DOCK1: variants seen among roughly 807,000 people sequenced by gnomAD.
DOCK1 encodes dedicator of cytokinesis 1.
DOCK1 carries 138 observed loss-of-function variants against 262.7 expected under a neutral mutation model. The observed-to-expected ratio is 0.53, with a 90% confidence interval of 0.46 to 0.61. DOCK1 has a LOEUF of 0.61. DOCK1 is among the 20% of genes least tolerant of loss of function. The pLI is 0.00. For synonymous variants in DOCK1, 866 were observed against 867.4 expected (o/e 1.00, Z 0.03); for missense variants, 1,908 against 2,370.7 (o/e 0.80, Z 4.05).
intron 23 of DOCK1, among the ~76,000 whole-genome samples, chr10:127,101,067 A>G (rs1487958432): frequency 6.6e-6 from 1 of 151,598 alleles, no homozygotes; most frequent in Non-Finnish European, 1.5e-5. Flanking sequence ...CAGCAGGGGA[A>G]GAGGTTGGAG....
chr10:127,091,685 G>A (rs986933422), intron 23 of DOCK1, among the ~76,000 whole-genome samples: 1 of 152,212 alleles, frequency 6.6e-6, no homozygotes, highest in Non-Finnish European at 1.5e-5. Flanking sequence ...CCATAAATCT[G>A]TGTCCCTTCC....
At chr10:127,298,610 T>A (rs192819564) in intron 29 of DOCK1, among the ~76,000 whole-genome samples, 12 of 152,332 alleles carry the variant, frequency 7.9e-5, no homozygotes, top group Admixed American at 3.3e-4. Context: ...GGTTGCTGTC[T>A]GCTCCTGAGC....
chr10:127,149,079 A>C (rs1329884736), intron 27 of DOCK1, among the ~76,000 whole-genome samples: 1 of 152,172 alleles, frequency 6.6e-6, no homozygotes, highest in Non-Finnish European at 1.5e-5. Flanking sequence ...GGTGTTTTTC[A>C]GCTGAGGAAT....
rs1330484315 is a variant in DOCK1 at position 127,446,097 on chromosome 10, A to C, written c.5414-1297A>C. ...AAACCCCGTCTCTACTAAAAATACA[A>C]TAATTAGCTGGGTGTGGTGGTGCGT... On this transcript the variant is annotated intron_variant, in intron 50 of 51. Coordinates refer to ENST00000623213, the MANE Select transcript of DOCK1 (RefSeq NM_001290223.2). The surrounding 1 kb of genome is among the most constrained non-coding windows in gnomAD (Gnocchi z 4.4). Among the ~76,000 whole-genome samples the C allele has an allele frequency of 6.6e-6, 1 of 152,148 alleles. No homozygotes were observed. The highest frequency in any genetic ancestry group is 1.5e-5 in the Non-Finnish European group (1 of 68,034).
At chr10:127,288,733 A>G (rs1402485801) in intron 29 of DOCK1, among the ~76,000 whole-genome samples, 1 of 150,318 alleles carries the variant, frequency 6.7e-6, no homozygotes, top group Non-Finnish European at 1.5e-5. Context: ...TATACAGCAT[A>G]ATATAGAATA....
intron 48 of DOCK1, 27 bp downstream of exon 48, chr10:127,433,455 G>T: frequency 3.7e-6 from 6 of 1,612,248 alleles, no homozygotes; most frequent in Non-Finnish European, 5.1e-6. Context: ...GCAGGGCTGA[G>T]CTGAGCAGTG....
intron 27 of DOCK1, among the ~76,000 whole-genome samples, chr10:127,171,540 C>G (rs1026863590): frequency 1.4e-4 from 21 of 152,192 alleles, no homozygotes; most frequent in African/African-American, 3.9e-4. Flanking sequence ...GGTGCCTGCC[C>G]TCACTAGGAC....
intron 29 of DOCK1, among the ~76,000 whole-genome samples, chr10:127,262,312 A>G (rs969791743): frequency 6.6e-6 from 1 of 151,942 alleles, no homozygotes; most frequent in Non-Finnish European, 1.5e-5. Context: ...GTTGGTTTCA[A>G]GTAAAGACAC....
Position 127,106,270 on chromosome 10 carries a change from G to A in DOCK1, c.2485G>A (p.Val829Met), listed in dbSNP as rs1266655656. The A allele has an allele frequency of 5.0e-6, 8 of 1,598,010 alleles. No individual in the cohort carries two copies. The highest frequency in any genetic ancestry group is 1.7e-5 in the Admixed American group (1 of 58,068). ...ATACTTACCAACGATCGTCAACGAT[G>A]TGAAATTGGTGTTTGATCCCAAAGA... ...LKYLPTIVNDVKLVFDPKELS... is the reference protein window; with the variant it reads ...LKYLPTIVNDMKLVFDPKELS... Residue 829 changes from valine (V) to methionine (M), a missense_variant, in exon 24 of 52, where the codon GTG (valine) becomes ATG (methionine). Val to Met is a conservative substitution (Grantham distance 21). Coordinates refer to ENST00000623213, the MANE Select transcript of DOCK1 (RefSeq NM_001290223.2).
chr10:127,304,117 C>T (rs1006083849), intron 29 of DOCK1, among the ~76,000 whole-genome samples: 6 of 152,118 alleles, frequency 3.9e-5, no homozygotes, highest in Non-Finnish European at 7.3e-5. Context: ...ATGGGGAACA[C>T]AAGAGCCGGG....
intron 1 of DOCK1, among the ~76,000 whole-genome samples, chr10:126,923,029 A>G (rs1195246850): frequency 1.3e-5 from 2 of 152,162 alleles, no homozygotes; most frequent in Non-Finnish European, 2.9e-5. Flanking sequence ...GAATTGCTTC[A>G]GCCCGGGAGG....
At chr10:127,132,741 C>A (rs370189158) in intron 27 of DOCK1, among the ~76,000 whole-genome samples, 1 of 152,110 alleles carries the variant, frequency 6.6e-6, no homozygotes, top group African/African-American at 2.4e-5. Flanking sequence ...TCCTGTGATA[C>A]GCGCTGCTGT....
At chr10:127,117,147 C>T (rs1425266437) in intron 25 of DOCK1, among the ~76,000 whole-genome samples, 3 of 152,164 alleles carry the variant, frequency 2.0e-5, no homozygotes, top group Non-Finnish European at 4.4e-5. Flanking sequence ...GTTTCTGTTT[C>T]AATTCCATCA....
rs558883419 is a variant in DOCK1, at chr10:127,052,787, A to G, written c.2308A>G (p.Ile770Val). 588 of 1,613,804 alleles carry G rather than the reference A, an allele frequency of 3.6e-4. 9 individuals are homozygous for G. The South Asian group carries it at 6.1e-3, about 17-fold the overall frequency. ...MKALESIFKF[I>V]VRSRILFNQL... ...AGCGCTAGAATCCATCTTCAAGTTCATCGTGCGCTCCAGGATCCTGTTCAA... is the reference window on the plus strand; with the variant it reads ...AGCGCTAGAATCCATCTTCAAGTTCGTCGTGCGCTCCAGGATCCTGTTCAA... Residue 770 changes from isoleucine (I) to valine (V), a missense_variant, in exon 22 of 52, where the codon ATC becomes GTC. Physicochemically the swap from Ile to Val is conservative, Grantham distance 29. Around this residue, in one of 9 missense-constraint regions of DOCK1, gnomAD observed 518 missense variants for 575.1 expected, o/e 0.90. Transcript: ENST00000623213.
chr10:127,436,090 T>A (rs780526142), intron 48 of DOCK1, among the ~76,000 whole-genome samples: 2 of 152,216 alleles, frequency 1.3e-5, no homozygotes, highest in Non-Finnish European at 2.9e-5. Context: ...GATAAAATAT[T>A]TCTCACCTAA....
At chr10:127,394,464 G>A (rs1289269610) in intron 38 of DOCK1, among the ~76,000 whole-genome samples, 2 of 152,018 alleles carry the variant, frequency 1.3e-5, no homozygotes, top group Admixed American at 1.3e-4. Flanking sequence ...AGTATTTGGG[G>A]TGAAATTTTC....
At chr10:126,993,341 T>C (rs1565040352) in intron 6 of DOCK1, among the ~76,000 whole-genome samples, 1 of 152,318 alleles carries the variant, frequency 6.6e-6, no homozygotes, top group African/African-American at 2.4e-5. Context: ...TGATCATGCC[T>C]ACACTAGAAG....
At chr10:127,055,040 A>G (rs1332184294) in intron 22 of DOCK1, among the ~76,000 whole-genome samples, 1 of 152,200 alleles carries the variant, frequency 6.6e-6, no homozygotes, top group Non-Finnish European at 1.5e-5. Context: ...AAATGGCACA[A>G]AATCTTAGAT....
intron 22 of DOCK1, 28 bp downstream of exon 22, chr10:127,052,843 G>A: frequency 6.3e-7 from 1 of 1,590,188 alleles, no homozygotes; most frequent in Non-Finnish European, 8.6e-7. Context: ...CCATGCCCGG[G>A]CTCTCAGAGG....
Sources: gnomAD v4.1 joint callset for allele counts (sites outside exome capture counted in the v4.1 genomes callset) on GRCh38, gnomAD v4.1.1 for gene constraint, gnomAD v4.1.1 regional missense constraint, Gnocchi (gnomAD v3.1) non-coding constraint, MANE v1.5 for transcripts, NCBI Gene and HGNC (gene_info 2026-07-23, HGNC 2026-07-21) for gene names.